TGM4: variants seen among roughly 807,000 people sequenced by gnomAD.
TGM4 encodes protein-glutamine gamma-glutamyltransferase 4.
In TGM4, 61 loss-of-function variants were observed where a neutral mutation model predicts 76.3. The observed-to-expected ratio is 0.80, with a 90% CI of 0.65 to 0.99. TGM4 has a LOEUF of 0.99. TGM4 is among the 50% of genes least tolerant of loss of function. TGM4 has a pLI of 0.00. For synonymous variants in TGM4, 337 were observed against 329.8 expected, an observed-to-expected ratio of 1.02 and a Z score of -0.24; for missense variants, 794 against 843.2, an observed-to-expected ratio of 0.94 and a Z score of 0.72.
chr3:44,907,102 T>C lies in TGM4; in HGVS notation c.1229T>C (p.Ile410Thr). 6.2e-7 allele frequency: 1 copy of C among 1,614,090 alleles called. No individual in the cohort carries two copies. Among genetic ancestry groups the C allele is most frequent in the Non-Finnish European group, 8.5e-7 (1 of 1,180,016 alleles). The change falls in exon 10 of 14, where the codon ATT (isoleucine) becomes ACT (threonine). Residue 410 changes from isoleucine (I) to threonine (T), a missense_variant. Transcript: ENST00000296125. ...MVNGQEELHV[I>T]SMETTSIGKN... ...AATGGGCAGGAGGAGTTACACGTAATTTCAATGGAGACCACAAGCATCGGG... is the reference window on the plus strand; with the variant it reads ...AATGGGCAGGAGGAGTTACACGTAACTTCAATGGAGACCACAAGCATCGGG...
chr3:44,875,294 A>T (rs958048789), intron 1 of TGM4, among the ~76,000 whole-genome samples: 1 of 152,198 alleles, frequency 6.6e-6, no homozygotes, highest in African/African-American at 2.4e-5. Flanking sequence ...TTTGTCTGGA[A>T]TAGTTCTTCT....
chr3:44,891,715 C>G (rs1375607931), intron 4 of TGM4, among the ~76,000 whole-genome samples: 1 of 152,192 alleles, frequency 6.6e-6, no homozygotes, highest in South Asian at 2.1e-4. Flanking sequence ...TGGCTCACGC[C>G]TGTAATCACA....
intron 8 of TGM4, 119 bp downstream of exon 8, chr3:44,902,050 G>C: frequency 2.4e-6 from 3 of 1,252,200 alleles, no homozygotes; most frequent in Non-Finnish European, 3.3e-6. Flanking sequence ...GTGTCAAGCA[G>C]TCCTCCTGCC....
chr3:44,886,135 G>A (rs990138017), intron 2 of TGM4, among the ~76,000 whole-genome samples: 4 of 152,190 alleles, frequency 2.6e-5, no homozygotes, highest in African/African-American at 7.2e-5. Context: ...CCTGAGGTCA[G>A]GAGTTCGAGA....
chr3:44,895,251 C>T (rs1176817229), intron 5 of TGM4, among the ~76,000 whole-genome samples: 1 of 152,080 alleles, frequency 6.6e-6, no homozygotes, highest in African/African-American at 2.4e-5. Context: ...GCCGAGATGG[C>T]GCCACTGTAC....
intron 1 of TGM4, among the ~76,000 whole-genome samples, chr3:44,884,564 C>A (rs2125748588): frequency 6.6e-6 from 1 of 152,060 alleles, no homozygotes; most frequent in East Asian, 1.9e-4. Flanking sequence ...GGCTCCTGAT[C>A]TCAGGTGATG....
Position 44,893,541 on chromosome 3 carries a change from G to A in TGM4, c.431-36G>A, listed in dbSNP as rs373957361. 33 of 1,583,120 alleles carry A rather than the reference G, an allele frequency of 2.1e-5. No individual in the cohort carries two copies. In the African/African-American group the frequency reaches 4.2e-4, roughly 20 times the overall value. ...GCAAGCCTGCTCCTGTCCCAGGGCAGAATATAACCTCTGTGGATGTGTGGT... is the reference window on the plus strand; with the variant it reads ...GCAAGCCTGCTCCTGTCCCAGGGCAAAATATAACCTCTGTGGATGTGTGGT... On this transcript the variant is annotated intron_variant, in intron 4 of 13. Coordinates refer to ENST00000296125, the MANE Select transcript of TGM4 (RefSeq NM_003241.4).
chr3:44,875,867 G>A (rs372221251), intron 1 of TGM4, among the ~76,000 whole-genome samples: 29 of 152,298 alleles, frequency 1.9e-4, no homozygotes, highest in African/African-American at 7.0e-4. Context: ...GATGGCTGAC[G>A]CCTCAGCTAG....
chr3:44,908,029 C>T (rs1297055613), intron 10 of TGM4, among the ~76,000 whole-genome samples: 1 of 152,204 alleles, frequency 6.6e-6, no homozygotes, highest in Non-Finnish European at 1.5e-5. Flanking sequence ...GGTACCCATG[C>T]AGCTGGGGCT....
intron 6 of TGM4, among the ~76,000 whole-genome samples, chr3:44,898,825 G>T (rs1202609218): frequency 6.6e-6 from 1 of 152,186 alleles, no homozygotes. Context: ...CTGGGGCCCA[G>T]GAGTCCACCA....
At chr3:44,893,062 T>C (rs919655105) in intron 4 of TGM4, among the ~76,000 whole-genome samples, 5 of 152,156 alleles carry the variant, frequency 3.3e-5, no homozygotes, top group African/African-American at 1.2e-4. Context: ...TTTTAACGAG[T>C]AGTCTATGTG....
intron 2 of TGM4, among the ~76,000 whole-genome samples, chr3:44,886,855 G>C (rs1699614674): frequency 6.6e-6 from 1 of 152,210 alleles, no homozygotes; most frequent in African/African-American, 2.4e-5. Context: ...ATATGATGAA[G>C]AAACCAAAAA....
intron 1 of TGM4, among the ~76,000 whole-genome samples, chr3:44,877,818 T>A (rs1356401107): frequency 2.0e-5 from 3 of 152,200 alleles, no homozygotes; most frequent in African/African-American, 7.2e-5. Flanking sequence ...CTTTGGAAGA[T>A]TTCTCTTACA....
At chr3:44,879,271 A>C (rs867982770) in intron 1 of TGM4, among the ~76,000 whole-genome samples, 3,361 of 134,696 alleles carry the variant, frequency 0.025, 45 homozygotes, top group East Asian at 0.044. Context: ...CTCTCTATAT[A>C]TATATATATA....
chr3:44,890,881 CA>C, intron 4 of TGM4, 149 bp downstream of exon 4: 2 of 1,000,360 alleles, frequency 2.0e-6, no homozygotes, highest in Non-Finnish European at 2.9e-6. Flanking sequence ...TCACAGACAC[CA>C]ATGGAGCGTT....
intron 4 of TGM4, among the ~76,000 whole-genome samples, chr3:44,891,121 A>G (rs985503475): frequency 5.9e-5 from 9 of 151,992 alleles, no homozygotes; most frequent in Non-Finnish European, 8.8e-5. Context: ...TCTTCTCTCC[A>G]CTTCCTCATG....
Position 44,907,083 on chromosome 3 carries a change from C to A in TGM4, c.1210C>A (p.Gln404Lys). ...CTGGTTGGTGAAGATGGTGAATGGG[C>A]AGGAGGAGTTACACGTAATTTCAAT... ...LIWLVKMVNG[Q>K]EELHVISMET... Residue 404 changes from glutamine to lysine, a missense_variant, in exon 10 of 14, where the codon CAG becomes AAG. Transcript: ENST00000296125. The A allele has an allele frequency of 6.2e-7, 1 of 1,614,018 alleles. No individual in the cohort carries two copies. The highest frequency in any genetic ancestry group is 1.1e-5 in the South Asian group (1 of 91,078).
intron 3 of TGM4, chr3:44,888,689 A>G (rs1302270372): frequency 6.6e-6 from 1 of 152,164 alleles, no homozygotes; most frequent in Non-Finnish European, 1.5e-5. Context: ...TAACACACAT[A>G]AAGGACACAA....
At chr3:44,909,191 C>G (rs1221408793) in intron 10 of TGM4, among the ~76,000 whole-genome samples, 1 of 152,222 alleles carries the variant, frequency 6.6e-6, no homozygotes, top group Non-Finnish European at 1.5e-5. Flanking sequence ...CATTTCAATG[C>G]TCTGGCAGGC....
Sources: allele counts gnomAD v4.1 joint callset (sites outside exome capture counted in the v4.1 genomes callset), GRCh38; gene constraint gnomAD v4.1.1; transcripts MANE v1.5; gene names NCBI Gene and HGNC (gene_info 2026-07-23, HGNC 2026-07-21).